STK3: variants seen among roughly 807,000 people sequenced by gnomAD.
STK3 encodes serine/threonine kinase 3.
STK3 carries 41 observed loss-of-function variants against 58.0 expected under a neutral mutation model. The observed-to-expected ratio is 0.71, with a 90% confidence interval of 0.55 to 0.92. The LOEUF (loss-of-function observed/expected upper bound fraction) is 0.92, where lower values mean the gene tolerates loss of function less well. Among genes scored for constraint, STK3 ranks in the 40% least tolerant of loss-of-function variants. The probability of loss-of-function intolerance (pLI) is 0.00; values close to 1 mark genes in which losing one functional copy is unlikely to be tolerated. For missense variants in STK3, 479 were observed against 602.7 expected (o/e 0.79, Z 2.15); for synonymous variants, 170 against 191.0 (o/e 0.89, Z 0.91).
At chr8:98,772,228 G>C (rs78163231) in intron 2 of STK3, among the ~76,000 whole-genome samples, 2,641 of 152,182 alleles carry the variant, frequency 0.017, 87 homozygotes, top group African/African-American at 0.06. Flanking sequence ...TTCTAATTTA[G>C]TGAGTATAAT....
chr8:98,793,557 C>T (rs1170989045), intron 1 of STK3, among the ~76,000 whole-genome samples: 1 of 151,994 alleles, frequency 6.6e-6, no homozygotes, highest in African/African-American at 2.4e-5. Context: ...TACTTCTAGA[C>T]CTAGGAAAAG....
chr8:98,629,186 T>C (rs1470135911), intron 6 of STK3, among the ~76,000 whole-genome samples: 1 of 151,426 alleles, frequency 6.6e-6, no homozygotes, highest in South Asian at 2.1e-4. Context: ...TTTAGTATGA[T>C]AGGCTCAGCT....
chr8:98,936,517 T>C (rs1430753226), intron 1 of STK3, among the ~76,000 whole-genome samples: 3 of 152,220 alleles, frequency 2.0e-5, no homozygotes, highest in African/African-American at 7.2e-5. Flanking sequence ...CTGCTATTGC[T>C]CCCTTGCTCT....
chr8:98,713,637 A>G (rs958342999), intron 4 of STK3, among the ~76,000 whole-genome samples: 2 of 152,234 alleles, frequency 1.3e-5, no homozygotes, highest in African/African-American at 4.8e-5. Flanking sequence ...AATAATTAAT[A>G]GCTTACCAAC....
intron 6 of STK3, among the ~76,000 whole-genome samples, chr8:98,614,407 C>CGAAAA (rs1817480554): frequency 6.6e-6 from 1 of 152,134 alleles, no homozygotes; most frequent in African/African-American, 2.4e-5. Flanking sequence ...AAAGAACACG[C>CGAAAA]TTTCAAATAA....
chr8:98,355,584 G>A, the STK3 span, among the ~76,000 whole-genome samples: 5 of 152,152 alleles, frequency 3.3e-5, no homozygotes, highest in African/African-American at 1.2e-4. Flanking sequence ...CAGGAACTGG[G>A]CAGACACCCC....
At chr8:98,592,297 A>G (rs934942852) in intron 7 of STK3, among the ~76,000 whole-genome samples, 2 of 152,180 alleles carry the variant, frequency 1.3e-5, no homozygotes. Context: ...ACTGTGTTCT[A>G]AAATACATCT....
intron 6 of STK3, among the ~76,000 whole-genome samples, chr8:98,634,397 G>A (rs567329205): frequency 4.6e-5 from 7 of 152,234 alleles, no homozygotes; most frequent in Admixed American, 1.3e-4. Flanking sequence ...CTACTCGGGA[G>A]GCTGAGGTGG....
intron 10 of STK3, among the ~76,000 whole-genome samples, chr8:98,460,485 C>T (rs1401337207): frequency 6.6e-6 from 1 of 152,130 alleles, no homozygotes; most frequent in Non-Finnish European, 1.5e-5. Context: ...CGTTGGGGAA[C>T]TATTGAAAAG....
intron 4 of STK3, among the ~76,000 whole-genome samples, chr8:98,710,711 G>A (rs980692728): frequency 3.9e-5 from 6 of 152,232 alleles, no homozygotes; most frequent in African/African-American, 1.4e-4. Context: ...CTCCACCTCT[G>A]GGGGCAGGGC....
downstream of STK3, among the ~76,000 whole-genome samples, chr8:98,367,357 T>C (rs11988085): frequency 0.83 from 125,874 of 152,172 alleles, 52,291 homozygotes; most frequent in African/African-American, 0.88. Flanking sequence ...GGGTGAGTGC[T>C]TAGGGATAGA....
At chr8:98,760,818 T>A (rs1231198997) in intron 3 of STK3, among the ~76,000 whole-genome samples, 1 of 151,926 alleles carries the variant, frequency 6.6e-6, no homozygotes, top group East Asian at 1.9e-4. Flanking sequence ...ACACTCTTTA[T>A]CCTAATGGTC....
At position 98,715,725 on chromosome 8, in the gene STK3, G is replaced by A. The variant is rs375949786; in HGVS notation, c.352-8414C>T. Among the ~76,000 whole-genome samples the A allele has an allele frequency of 1.6e-4, 25 of 152,252 alleles. No individual in the cohort carries two copies. The East Asian group carries it at 1.9e-3, about 12-fold the overall frequency. ...CAACCATTGTGGAAGTCGGTGTGGC[G>A]ATTCCTCAGGGATCTAGAACTAGAA... On this transcript the variant is annotated intron_variant, in intron 4 of 10. Coordinates refer to ENST00000419617, the MANE Select transcript of STK3 (RefSeq NM_006281.4).
At chr8:98,860,180 A>G (rs1836873993) in intron 3 of STK3, among the ~76,000 whole-genome samples, 1 of 152,216 alleles carries the variant, frequency 6.6e-6, no homozygotes, top group Non-Finnish European at 1.5e-5. Context: ...TCATGAAGTT[A>G]AGACAGATTA....
At chr8:98,444,031 G>A (rs911801960) in intron 1 of STK3, among the ~76,000 whole-genome samples, 3 of 152,178 alleles carry the variant, frequency 2.0e-5, no homozygotes, top group South Asian at 2.1e-4. Flanking sequence ...TTTGACAAAC[G>A]TTTATTCAGC....
chr8:98,665,285 T>C (rs1479227517), intron 6 of STK3, among the ~76,000 whole-genome samples: 1 of 152,252 alleles, frequency 6.6e-6, no homozygotes. Flanking sequence ...GGCAGTTCTT[T>C]CTATTTCACC....
At chr8:98,601,945 A>T (rs1037038585) in intron 6 of STK3, among the ~76,000 whole-genome samples, 1 of 152,238 alleles carries the variant, frequency 6.6e-6, no homozygotes, top group Non-Finnish European at 1.5e-5. Flanking sequence ...AGTATCAGCC[A>T]TAAAAGAGTC....
chr8:98,562,588 CAT>C (rs1290226340), intron 8 of STK3, among the ~76,000 whole-genome samples: 1 of 151,408 alleles, frequency 6.6e-6, no homozygotes, highest in Non-Finnish European at 1.5e-5. Flanking sequence ...TACAGTGTAT[CAT>C]GTGTATCGTT....
chr8:98,693,408 A>G (rs75476872), intron 6 of STK3, among the ~76,000 whole-genome samples: 1,993 of 152,222 alleles, frequency 0.013, 47 homozygotes, highest in African/African-American at 0.045. Context: ...AAAGAAGATG[A>G]TGATGATGAC....
Sources: allele counts gnomAD v4.1 joint callset (sites outside exome capture counted in the v4.1 genomes callset), GRCh38; gene constraint gnomAD v4.1.1; transcripts MANE v1.5; gene names NCBI Gene and HGNC (gene_info 2026-07-23, HGNC 2026-07-21).